The following SPAG17 variants were observed in gnomAD, a reference collection of about 807,000 sequenced individuals.
The protein encoded by SPAG17 is sperm associated antigen 17.
Under a neutral mutation model 273.6 loss-of-function variants are expected in SPAG17, and 169 were observed. The observed-to-expected ratio is 0.62, with a 90% CI of 0.55 to 0.70. The LOEUF (loss-of-function observed/expected upper bound fraction) is 0.70, where lower values mean the gene tolerates loss of function less well. Among genes scored for constraint, SPAG17 ranks in the 30% least tolerant of loss-of-function variants. The pLI, the probability that SPAG17 is intolerant of heterozygous loss-of-function variation, is 0.00. For missense variants in SPAG17, 2,557 were observed against 2,627.8 expected (o/e 0.97, Z 0.59); for synonymous variants, 825 against 873.2 (o/e 0.94, Z 0.97).
At chr1:118,049,328 A>T (rs12026435) in intron 20 of SPAG17, among the ~76,000 whole-genome samples, 2 of 152,160 alleles carry the variant, frequency 1.3e-5, no homozygotes, top group Admixed American at 1.3e-4. Context: ...CCTCCAAAAA[A>T]TTCTAGTAAA....
Position 117,983,826 on chromosome 1 carries a change from A to G in SPAG17, c.5857T>C (p.Ser1953Pro). The G allele has an allele frequency of 6.2e-7, 1 of 1,609,208 alleles. No individual in the cohort carries two copies. Among genetic ancestry groups the G allele is most frequent in the Non-Finnish European group, 8.5e-7 (1 of 1,176,718 alleles). Residue 1953 changes from serine to proline, a missense_variant, in exon 42 of 49, where the codon TCT (serine) becomes CCT (proline). Transcript: ENST00000336338. ...DANETAVQDTSDLNLDFKPHK... is the reference protein window; with the variant it reads ...DANETAVQDTPDLNLDFKPHK... ...AACATATTACCTAGATTAAGATCAG[A>G]TGTATCTTGAACAGCTGTTTCGTTT...
At chr1:117,978,562 C>G (rs1313238862) in intron 43 of SPAG17, among the ~76,000 whole-genome samples, 1 of 152,156 alleles carries the variant, frequency 6.6e-6, no homozygotes, top group Non-Finnish European at 1.5e-5. Context: ...TCCTTGACTA[C>G]ATATTCCTCT....
intron 4 of SPAG17, among the ~76,000 whole-genome samples, chr1:118,104,848 G>A (rs964140193): frequency 6.6e-6 from 1 of 152,160 alleles, no homozygotes. Flanking sequence ...AAGTTTGGTT[G>A]TGAAGCAGAA....
chr1:118,128,936 T>C (rs947860875), intron 3 of SPAG17, among the ~76,000 whole-genome samples: 6 of 152,196 alleles, frequency 3.9e-5, no homozygotes, highest in African/African-American at 1.2e-4. Context: ...TTGTCCATGA[T>C]TGGTTCAAGA....
In SPAG17 at chr1:117,973,575, A is replaced by G; in HGVS notation, c.6005-14T>C. The stretch of plus-strand genomic sequence containing the variant: ...AAGATTCTGCTTCTGTTAGAGAGAA[A>G]GCTTAAATTATGCCACATGGACATT... On this transcript the variant is annotated splice_polypyrimidine_tract_variant and intron_variant, in intron 43 of 48. Coordinates refer to ENST00000336338, the MANE Select transcript of SPAG17 (RefSeq NM_206996.4). 6.2e-7 allele frequency: 1 copy of G among 1,611,316 alleles called. No individual in the cohort carries two copies. Among genetic ancestry groups the G allele is most frequent in the African/African-American group, 1.3e-5 (1 of 75,018 alleles).
chr1:118,005,695 G>A, intron 31 of SPAG17, 93 bp from the exon 32 acceptor site: 1 of 883,268 alleles, frequency 1.1e-6, no homozygotes, highest in East Asian at 3.1e-5. Flanking sequence ...AATACCCATA[G>A]ATCCTAGTCA....
rs545890519 is a variant in SPAG17 at position 118,184,712 on chromosome 1, C to G, written c.87+359G>C. ...CAGATGATTTGATGCGATTCTCATC[C>G]TTTAGAAGGTTTCAGGAGAAAACAA... On this transcript the variant is annotated intron_variant, in intron 1 of 48. Coordinates refer to ENST00000336338, the MANE Select transcript of SPAG17 (RefSeq NM_206996.4). 5.3e-5 allele frequency among the ~76,000 whole-genome samples: 8 copies of G among 152,240 alleles called. No homozygotes were observed. In the South Asian group the frequency reaches 1.7e-3, roughly 32 times the overall value.
At chr1:118,152,630 T>C (rs1380160746) in intron 1 of SPAG17, among the ~76,000 whole-genome samples, 1 of 152,134 alleles carries the variant, frequency 6.6e-6, no homozygotes, top group Non-Finnish European at 1.5e-5. Context: ...TAAAAATGTA[T>C]ATTTTACTTG....
chr1:118,108,876 A>G (rs1656577356), intron 4 of SPAG17, among the ~76,000 whole-genome samples: 1 of 152,178 alleles, frequency 6.6e-6, no homozygotes, highest in African/African-American at 2.4e-5. Context: ...ATTCAGTTGA[A>G]TATAAAGTGA....
intron 3 of SPAG17, among the ~76,000 whole-genome samples, chr1:118,127,174 T>G (rs1657782694): frequency 6.6e-6 from 1 of 152,218 alleles, no homozygotes. Flanking sequence ...TGGGGTCTTT[T>G]GTGATTCCAT....
intron 38 of SPAG17, among the ~76,000 whole-genome samples, chr1:117,988,930 C>A (rs1656749468): frequency 6.6e-6 from 1 of 152,126 alleles, no homozygotes; most frequent in East Asian, 1.9e-4. Flanking sequence ...TTTTAATTAA[C>A]ATGTCAGGTA....
chr1:117,954,644 A>G (rs1272955048), intron 48 of SPAG17: 4 of 1,610,230 alleles, frequency 2.5e-6, no homozygotes, highest in Non-Finnish European at 3.4e-6. Context: ...AAAATGTCTA[A>G]CGGTTTTCCT....
intron 1 of SPAG17, among the ~76,000 whole-genome samples, chr1:118,181,679 T>G: frequency 6.6e-6 from 1 of 151,766 alleles, no homozygotes; most frequent in East Asian, 1.9e-4. Context: ...AACCAAAAAA[T>G]GAACAAAAAC....
chr1:118,096,024 A>G (rs1262215240), intron 7 of SPAG17, among the ~76,000 whole-genome samples: 1 of 152,158 alleles, frequency 6.6e-6, no homozygotes, highest in African/African-American at 2.4e-5. Flanking sequence ...ATTCAGCTTC[A>G]TTTTCCACGC....
chr1:117,969,574 G>T (rs571863227), intron 46 of SPAG17, among the ~76,000 whole-genome samples: 1 of 152,154 alleles, frequency 6.6e-6, no homozygotes, highest in African/African-American at 2.4e-5. Context: ...GTGAGGCTCT[G>T]TCTCAAAATA....
chr1:117,994,716 G>T (rs950247268), intron 34 of SPAG17, among the ~76,000 whole-genome samples, 186 bp from the exon 35 acceptor site: 2 of 152,118 alleles, frequency 1.3e-5, no homozygotes, highest in Admixed American at 6.5e-5. Context: ...TAGGCACTGT[G>T]ACACCTAGAG....
intron 3 of SPAG17, among the ~76,000 whole-genome samples, chr1:118,147,645 G>A (rs2102339035): frequency 6.6e-6 from 1 of 152,280 alleles, no homozygotes; most frequent in South Asian, 2.1e-4. Context: ...TATAAATAAA[G>A]ACTTTCATAT....
At chr1:118,023,254 C>T (rs1344524296) in intron 28 of SPAG17, 50 bp downstream of exon 28, 4 of 1,484,398 alleles carry the variant, frequency 2.7e-6, no homozygotes, top group Non-Finnish European at 3.7e-6. Context: ...TTATTAAGCC[C>T]TTGAAGGCTT....
Position 118,028,329 on chromosome 1 carries a change from T to G in SPAG17, c.3675A>C (p.Leu1225=). The change falls in exon 26 of 49, where the codon CTA becomes CTC. Residue 1225 remains leucine, a synonymous_variant. Coordinates refer to ENST00000336338, the MANE Select transcript of SPAG17 (RefSeq NM_206996.4). ...ETLDVPTFQS[L]NVSCPSGLLL... The stretch of plus-strand genomic sequence containing the variant: ...GGAGCCCACTGGGGCAAGACACATT[T>G]AGGCTCTGGAAGGTGGGAACATCCA... 6.2e-7 allele frequency: 1 copy of G among 1,613,858 alleles called. No individual in the cohort carries two copies. Among genetic ancestry groups the G allele is most frequent in the South Asian group, 1.1e-5 (1 of 91,044 alleles).
Sources: allele counts gnomAD v4.1 joint callset (sites outside exome capture counted in the v4.1 genomes callset), GRCh38; gene constraint gnomAD v4.1.1; transcripts MANE v1.5; gene names NCBI Gene and HGNC (gene_info 2026-07-23, HGNC 2026-07-21).